APEH: variants seen among roughly 807,000 people sequenced by gnomAD.
APEH encodes the protein acylaminoacyl-peptide hydrolase, also known as acylamino-acid-releasing enzyme.
APEH carries 75 observed loss-of-function variants against 102.7 expected under a neutral mutation model. The ratio of observed to expected loss-of-function variants is 0.73; its 90% CI spans 0.61 to 0.89. The LOEUF is 0.89. Ranked by LOEUF, APEH falls within the 40% of genes least tolerant of loss-of-function variation. The probability of loss-of-function intolerance (pLI) is 0.00; values close to 1 mark genes in which losing one functional copy is unlikely to be tolerated. For missense variants in APEH, 863 were observed against 941.2 expected, an observed-to-expected ratio of 0.92 and a Z score of 1.09; for synonymous variants, 344 against 362.7, an observed-to-expected ratio of 0.95 and a Z score of 0.59.
Position 49,683,346 on chromosome 3 carries a change from C to A in APEH, c.*4C>A. 1 of 1,607,628 alleles carries A rather than the reference C, an allele frequency of 6.2e-7. No homozygotes were observed. Among genetic ancestry groups the A allele is most frequent in the Non-Finnish European group, 8.5e-7 (1 of 1,174,410 alleles). On this transcript the variant is annotated 3_prime_UTR_variant, in exon 22 of 22. Transcript: ENST00000296456. ...ACGCACACACTTGGGCAGCTGAAGC[C>A]CTGCCATTCTGCATGAGCTGATCAG...
Position 49,682,869 on chromosome 3 carries a change from T to G in APEH, c.1910T>G (p.Phe637Cys), listed in dbSNP as rs749554042. 4 of 1,614,102 alleles carry G rather than the reference T, an allele frequency of 2.5e-6. No homozygotes were observed. The South Asian group carries it at 4.4e-5, about 18-fold the overall frequency. The change falls in exon 20 of 22, where the codon TTC (phenylalanine) becomes TGC (cysteine). Residue 637 changes from phenylalanine to cysteine, a missense_variant. Coordinates refer to ENST00000296456, the MANE Select transcript of APEH (RefSeq NM_001640.4). Reference protein sequence around the residue: ...DWCVVEAGFPFSSDCLPDLSV... With the variant: ...DWCVVEAGFPCSSDCLPDLSV... ...TGCGTGGTGGAGGCTGGCTTTCCTTTCAGCAGTGACTGCCTGCCAGACCTC... is the reference window on the plus strand; with the variant it reads ...TGCGTGGTGGAGGCTGGCTTTCCTTGCAGCAGTGACTGCCTGCCAGACCTC...
chr3:49,678,803 C>T (rs752923177), intron 11 of APEH, 49 bp from the exon 12 acceptor site: 1 of 1,478,456 alleles, frequency 6.8e-7, no homozygotes, highest in Non-Finnish European at 9.4e-7. Flanking sequence ...GTAGACTACC[C>T]TCCCTACCTC....
At position 49,683,405 on chromosome 3, in the gene APEH, G is replaced by A. The variant is rs1230196893; in HGVS notation, c.*63G>A. The A allele has an allele frequency of 7.7e-6, 11 of 1,434,938 alleles. No homozygotes were observed. The highest frequency in any genetic ancestry group is 4.6e-5 in the East Asian group (2 of 43,942). The allele number at this position is 1,434,938 out of a possible 1,614,324, so 88.9% of individuals were successfully genotyped here. A position where few individuals can be genotyped will look rare whatever the true frequency, so the allele number is the denominator to read the frequency against. On this transcript the variant is annotated 3_prime_UTR_variant, in exon 22 of 22. Coordinates refer to ENST00000296456, the MANE Select transcript of APEH (RefSeq NM_001640.4). ...ACACTTCGCTCTTGAGGAGCTCAAC[G>A]GTCTGGCAGGGCAGCAGGAGGCTTT...
chr3:49,683,714 A>G lies in APEH; in HGVS notation c.*372A>G, dbSNP rs890579112. 8.5e-6 allele frequency: 4 copies of G among 471,242 alleles called. No individual in the cohort carries two copies. The highest frequency in any genetic ancestry group is 1.5e-5 in the Non-Finnish European group (4 of 260,878). The allele number at this position is 471,242 out of a possible 1,614,324, so 29.2% of individuals were successfully genotyped here. ...TAGCTTCCCTGCTGCAGCCCCTTCC[A>G]TTAGCAACTACTCTGTACCACCCTT... is the stretch of plus-strand genomic sequence containing the variant. On this transcript the variant is annotated 3_prime_UTR_variant, in exon 22 of 22. Coordinates refer to ENST00000296456, the MANE Select transcript of APEH (RefSeq NM_001640.4).
intron 13 of APEH, chr3:49,680,287 A>G: frequency 2.1e-6 from 1 of 469,632 alleles, no homozygotes. Flanking sequence ...AGGGACAGGC[A>G]GATGTGCCTG....
chr3:49,673,833 T>C (rs1220198573), upstream of APEH, among the ~76,000 whole-genome samples: 1 of 140,812 alleles, frequency 7.1e-6, no homozygotes, highest in African/African-American at 2.9e-5. Context: ...ACGCTCACGC[T>C]CACGCTCACA....
Position 49,682,390 on chromosome 3 carries a change from TCTCC to T in APEH, c.1652_1655del (p.Leu551GlnfsTer9), listed in dbSNP as rs1418634841. The T allele has an allele frequency of 2.5e-6, 4 of 1,613,922 alleles. No homozygotes were observed. Among genetic ancestry groups the T allele is most frequent in the Non-Finnish European group, 3.4e-6 (4 of 1,179,972 alleles). On this transcript the variant is annotated frameshift_variant, in exon 18 of 22. Coordinates refer to ENST00000296456, the MANE Select transcript of APEH (RefSeq NM_001640.4). LOFTEE classifies it high-confidence loss of function. ...ACGGGCTTTGGCCAGGACAGCATCC[TCTCC>T]CTCCCAGGCAATGTGGGCCACCAGG...
rs562285439 is a variant in APEH, at chr3:49,674,386, C to T, written c.-16C>T. 2 of 1,570,134 alleles carry T rather than the reference C, an allele frequency of 1.3e-6. No individual in the cohort carries two copies. The highest frequency in any genetic ancestry group is 1.1e-5 in the South Asian group (1 of 87,094). ...GCGAGCACGCCCCGCCTCGCCCCGG[C>T]GGCAGAGAGGAGACTATGGAACGTC... On this transcript the variant is annotated 5_prime_UTR_variant, in exon 1 of 22. Transcript: ENST00000296456.
rs2053119680 is a variant in APEH at position 49,677,579 on chromosome 3, T to C, written c.1006T>C (p.Trp336Arg). 6.2e-7 allele frequency: 1 copy of C among 1,613,574 alleles called. No homozygotes were observed. ...HQCSQLCLYDWYTKVTSVVVD... is the reference protein window; with the variant it reads ...HQCSQLCLYDRYTKVTSVVVD... The stretch of plus-strand genomic sequence containing the variant: ...CCATTGTGTTCTCTTGCAGTATGAC[T>C]GGTATACCAAGGTTACCTCAGTGGT... The change falls in exon 11 of 22, where the codon TGG (tryptophan) becomes CGG (arginine). Residue 336 changes from tryptophan (W) to arginine (R), a missense_variant. Physicochemically the swap from Trp to Arg is moderately radical, Grantham distance 101. Coordinates refer to ENST00000296456, the MANE Select transcript of APEH (RefSeq NM_001640.4).
At chr3:49,674,148 C>A (rs1050169194), upstream of APEH, 173 of 548,744 alleles carry the variant, frequency 3.2e-4, 1 homozygote, top group Non-Finnish European at 5.0e-4. Context: ...CCCCGCCCCC[C>A]ACTTGGCTAG....
chr3:49,677,472 C>T, intron 10 of APEH, 101 bp from the exon 11 acceptor site: 1 of 1,082,680 alleles, frequency 9.2e-7, no homozygotes, highest in African/African-American at 1.5e-5. Flanking sequence ...GTTCCCCCAT[C>T]TCCTGGGGCT....
At chr3:49,682,974 C>T (rs753168091) in intron 20 of APEH, 29 bp downstream of exon 20, 25 of 1,611,464 alleles carry the variant, frequency 1.6e-5, no homozygotes, top group Non-Finnish European at 2.1e-5. Context: ...GCCCTGTGTG[C>T]TGCCCATCCA....
At chr3:49,682,294 G>A (rs1488749576) in intron 17 of APEH, 54 bp from the exon 18 acceptor site, 11 of 1,510,164 alleles carry the variant, frequency 7.3e-6, no homozygotes, top group African/African-American at 2.8e-5. Context: ...AAAGAGCGTC[G>A]AGGGGGCTGG....
chr3:49,677,340 T>C (rs886368271), intron 10 of APEH, among the ~76,000 whole-genome samples: 3 of 152,064 alleles, frequency 2.0e-5, no homozygotes, highest in African/African-American at 7.2e-5. Flanking sequence ...AGTTACACAA[T>C]CCCAGACCCT....
chr3:49,679,764 C>A lies in APEH; in HGVS notation c.1210+120C>A. ...TGGCATTCTCAGCCACTCAGCACCACTGACTGTTCCACAGCCTTTACTAAC... is the reference window on the plus strand; with the variant it reads ...TGGCATTCTCAGCCACTCAGCACCAATGACTGTTCCACAGCCTTTACTAAC... On this transcript the variant is annotated intron_variant, in intron 13 of 21. Coordinates refer to ENST00000296456, the MANE Select transcript of APEH (RefSeq NM_001640.4). This position sits in a 1 kb window ranked among gnomAD's most constrained non-coding sequence, Gnocchi z 4.3. 9.6e-7 allele frequency: 1 copy of A among 1,038,598 alleles called. No individual in the cohort carries two copies. Among genetic ancestry groups the A allele is most frequent in the Non-Finnish European group, 1.5e-6 (1 of 688,880 alleles). The allele number at this position is 1,038,598 out of a possible 1,614,324, so 64.3% of individuals were successfully genotyped here. A position where few individuals can be genotyped will look rare whatever the true frequency, so the allele number is the denominator to read the frequency against.
At chr3:49,682,215 T>G in intron 17 of APEH, 133 bp from the exon 18 acceptor site, 1 of 1,005,634 alleles carries the variant, frequency 9.9e-7, no homozygotes, top group Non-Finnish European at 1.5e-6. Context: ...AATCTCTGAG[T>G]CCCTTCCCCT....
intron 17 of APEH, 67 bp downstream of exon 17, chr3:49,682,034 T>G: frequency 6.6e-7 from 1 of 1,516,048 alleles, no homozygotes; most frequent in Non-Finnish European, 9.2e-7. Context: ...ACCTGGTTTG[T>G]ATAAGTACCA....
upstream of APEH, chr3:49,674,324 G>A: frequency 2.0e-6 from 3 of 1,508,690 alleles, no homozygotes; most frequent in Non-Finnish European, 2.7e-6. Flanking sequence ...AGCCCGGGCC[G>A]TCCCAGGCTC....
intron 21 of APEH, 38 bp from the exon 22 acceptor site, chr3:49,683,199 A>C: frequency 2.5e-6 from 4 of 1,609,506 alleles, no homozygotes; most frequent in Non-Finnish European, 3.4e-6. Context: ...GCACAGGAGG[A>C]CCCTCCAACC....
Sources: gnomAD v4.1 joint callset for allele counts (sites outside exome capture counted in the v4.1 genomes callset) on GRCh38, gnomAD v4.1.1 for gene constraint, Gnocchi (gnomAD v3.1) non-coding constraint, MANE v1.5 for transcripts, NCBI Gene and HGNC (gene_info 2026-07-23, HGNC 2026-07-21) for gene names.